PSME4: variants seen among roughly 807,000 people sequenced by gnomAD.
PSME4 encodes the protein proteasome activator subunit 4.
In PSME4, 89 loss-of-function variants were observed where a neutral mutation model predicts 253.9. The observed-to-expected ratio is 0.35, with a 90% CI of 0.30 to 0.42. PSME4 has a LOEUF of 0.42. Ranked by LOEUF, PSME4 falls within the 10% of genes least tolerant of loss-of-function variation. The pLI is 1.00. For synonymous variants in PSME4, 851 were observed against 759.2 expected (o/e 1.12, Z -1.99); for missense variants, 2,014 against 2,195.2 (o/e 0.92, Z 1.65).
At chr2:53,872,361 G>A (rs547851845) in intron 43 of PSME4, among the ~76,000 whole-genome samples, 3 of 152,090 alleles carry the variant, frequency 2.0e-5, no homozygotes, top group South Asian at 2.1e-4. Flanking sequence ...TACTATCAAC[G>A]AACAGAATTT....
chr2:53,876,591 A>ATG (rs1391565186), intron 41 of PSME4, among the ~76,000 whole-genome samples: 1 of 151,602 alleles, frequency 6.6e-6, no homozygotes, highest in Non-Finnish European at 1.5e-5. Flanking sequence ...ACTTATATAT[A>ATG]TATATATAAG....
chr2:53,900,723 T>C (rs1044027753), intron 28 of PSME4, among the ~76,000 whole-genome samples: 3 of 152,184 alleles, frequency 2.0e-5, no homozygotes, highest in African/African-American at 7.2e-5. Context: ...ATAGCAACCC[T>C]ATGTTTGATT....
At chr2:53,868,971 G>A (rs570902096) in intron 44 of PSME4, among the ~76,000 whole-genome samples, 61 of 152,174 alleles carry the variant, frequency 4.0e-4, no homozygotes, top group Non-Finnish European at 4.7e-4. Context: ...ATGAAGGACC[G>A]AATAATCCCC....
At chr2:53,944,543 T>A (rs1669614051) in intron 3 of PSME4, among the ~76,000 whole-genome samples, 1 of 152,226 alleles carries the variant, frequency 6.6e-6, no homozygotes, top group African/African-American at 2.4e-5. Flanking sequence ...CATTAAAAAA[T>A]AATTGTAAAT....
At chr2:53,935,389 G>C (rs1194484890) in intron 7 of PSME4, among the ~76,000 whole-genome samples, 1 of 152,144 alleles carries the variant, frequency 6.6e-6, no homozygotes, top group Non-Finnish European at 1.5e-5. Flanking sequence ...TCTGCATCCA[G>C]CTACTCCCCA....
rs1360437830 is a variant in PSME4, at chr2:53,920,258, G to A, written c.2355C>T (p.Asp785=). Residue 785 remains aspartate (D), a synonymous_variant, in exon 19 of 47, where the codon GAC becomes GAT. Coordinates refer to ENST00000404125, the MANE Select transcript of PSME4 (RefSeq NM_014614.3). ...EEVSFAFYLL[D]SFLQPELVKL... is the part of the protein sequence containing the mutation. ...TGACGAGCTCAGGCTGAAGAAAGGAGTCCAAAAGATAAAAGGCAAAAGACA... is the reference window on the plus strand; with the variant it reads ...TGACGAGCTCAGGCTGAAGAAAGGAATCCAAAAGATAAAAGGCAAAAGACA... 3 of 1,613,698 alleles carry A rather than the reference G, an allele frequency of 1.9e-6. No individual in the cohort carries two copies. The South Asian group carries it at 3.3e-5, about 18-fold the overall frequency.
In PSME4 at chr2:53,892,794, T is replaced by C. The variant is rs1573227874; in HGVS notation, c.4191+14A>G. On this transcript the variant is annotated intron_variant, in intron 36 of 46. Coordinates refer to ENST00000404125, the MANE Select transcript of PSME4 (RefSeq NM_014614.3). ...TTTAACAGGAAATGTTCTGTACAAA[T>C]ATTAATACATCACCTTTTCAAATGT... 6 of 1,607,062 alleles carry C rather than the reference T, an allele frequency of 3.7e-6. No individual in the cohort carries two copies. The highest frequency in any genetic ancestry group is 4.5e-5 in the East Asian group (2 of 44,800).
At chr2:53,882,889 T>C (rs1276161362) in intron 41 of PSME4, among the ~76,000 whole-genome samples, 1 of 145,958 alleles carries the variant, frequency 6.9e-6, no homozygotes, top group Non-Finnish European at 1.5e-5. Context: ...AAAATAACAT[T>C]TGAGGAAATA....
At chr2:53,903,450 A>T (rs1386568011) in intron 27 of PSME4, among the ~76,000 whole-genome samples, 1 of 152,170 alleles carries the variant, frequency 6.6e-6, no homozygotes, top group African/African-American at 2.4e-5. Flanking sequence ...AGTATAAGCA[A>T]TCATTATATA....
intron 1 of PSME4, among the ~76,000 whole-genome samples, chr2:53,967,764 G>A (rs373425126): frequency 1.1e-4 from 17 of 150,588 alleles, no homozygotes; most frequent in South Asian, 4.2e-4. Flanking sequence ...TCCAGATTAC[G>A]GGTGCACATT....
At chr2:53,947,763 C>T (rs1477090280) in intron 3 of PSME4, among the ~76,000 whole-genome samples, 8 of 151,624 alleles carry the variant, frequency 5.3e-5, no homozygotes, top group Non-Finnish European at 8.8e-5. Flanking sequence ...TGCCTATAAT[C>T]CCAGGACTTT....
chr2:53,940,994 T>TATATATATATATAC (rs1669426963), intron 3 of PSME4, among the ~76,000 whole-genome samples: 1 of 93,542 alleles, frequency 1.1e-5, no homozygotes, highest in East Asian at 2.7e-4. Context: ...TATATATATA[T>TATATATATATATAC]ATATATGAAA....
Position 53,896,893 on chromosome 2 carries a change from A to T in PSME4, c.3607-8T>A. Reference sequence around the variant, plus strand: ...AACAGCTGAGATAGCCATCTAGAAAAGGAAAAAGGTACACATTCATAAAAA... The same window carrying T: ...AACAGCTGAGATAGCCATCTAGAAATGGAAAAAGGTACACATTCATAAAAA... On this transcript the variant is annotated splice_region_variant and splice_polypyrimidine_tract_variant and intron_variant, in intron 31 of 46. Coordinates refer to ENST00000404125, the MANE Select transcript of PSME4 (RefSeq NM_014614.3). 6.2e-7 allele frequency: 1 copy of T among 1,600,732 alleles called. No individual in the cohort carries two copies. The highest frequency in any genetic ancestry group is 8.6e-7 in the Non-Finnish European group (1 of 1,168,154).
chr2:53,911,948 T>C (rs1402660854), intron 20 of PSME4, among the ~76,000 whole-genome samples: 3 of 152,234 alleles, frequency 2.0e-5, no homozygotes, highest in Non-Finnish European at 4.4e-5. Context: ...CACTTTGAAT[T>C]GTTTTCTTAT....
At chr2:53,923,779 C>T (rs1213414772) in intron 14 of PSME4, among the ~76,000 whole-genome samples, 2 of 151,874 alleles carry the variant, frequency 1.3e-5, no homozygotes, top group African/African-American at 4.8e-5. Flanking sequence ...AAAAATTGAC[C>T]AGGCATGGTG....
chr2:53,957,379 C>T (rs1429573099), intron 1 of PSME4, among the ~76,000 whole-genome samples: 1 of 152,138 alleles, frequency 6.6e-6, no homozygotes, highest in Admixed American at 6.5e-5. Context: ...GAGTCCTGAG[C>T]TTATTTTCCT....
At chr2:53,957,831 A>G (rs1670304908) in intron 1 of PSME4, among the ~76,000 whole-genome samples, 2 of 152,186 alleles carry the variant, frequency 1.3e-5, no homozygotes, top group Admixed American at 1.3e-4. Context: ...AGAAAGCAAA[A>G]CTTTATGTGC....
At chr2:53,878,038 G>T (rs1679215705) in intron 41 of PSME4, among the ~76,000 whole-genome samples, 1 of 152,150 alleles carries the variant, frequency 6.6e-6, no homozygotes, top group Non-Finnish European at 1.5e-5. Context: ...ATAAAGAGGG[G>T]TGTGTAGGAG....
At chr2:53,932,783 A>C in intron 8 of PSME4, 23 bp from the exon 9 acceptor site, 1 of 1,566,070 alleles carries the variant, frequency 6.4e-7, no homozygotes, top group Non-Finnish European at 8.8e-7. Context: ...AAGAGTAAAA[A>C]TGTCAGTACC....
Sources: gnomAD v4.1 joint callset for allele counts (sites outside exome capture counted in the v4.1 genomes callset) on GRCh38, gnomAD v4.1.1 for gene constraint, MANE v1.5 for transcripts, NCBI Gene and HGNC (gene_info 2026-07-23, HGNC 2026-07-21) for gene names.